The following FRMD4A variants were observed in gnomAD, a reference collection of about 807,000 sequenced individuals.
The protein encoded by FRMD4A is FERM domain containing 4A, also known as FERM domain-containing protein 4A.
A neutral mutation model predicts 129.1 loss-of-function variants in FRMD4A; 29 were observed. That is an observed-to-expected ratio of 0.22 (90% CI 0.17 to 0.31). The LOEUF (loss-of-function observed/expected upper bound fraction) is 0.31, where lower values mean the gene tolerates loss of function less well. FRMD4A is among the 10% of genes least tolerant of loss of function. The pLI, the probability that FRMD4A is intolerant of heterozygous loss-of-function variation, is 1.00. For synonymous variants in FRMD4A, 634 were observed against 571.6 expected (o/e 1.11, Z -1.56); for missense variants, 1,272 against 1,375.8 (o/e 0.92, Z 1.19).
intron 2 of FRMD4A, among the ~76,000 whole-genome samples, chr10:14,290,857 T>G (rs1308992840): frequency 6.6e-6 from 1 of 152,054 alleles, no homozygotes; most frequent in Non-Finnish European, 1.5e-5. Context: ...CCAAAATAAG[T>G]AAAATATATG....
At chr10:13,964,102 A>T (rs1035563699) in intron 2 of FRMD4A, among the ~76,000 whole-genome samples, 1 of 150,998 alleles carries the variant, frequency 6.6e-6, no homozygotes, top group African/African-American at 2.4e-5. Flanking sequence ...CAGGTGTGTT[A>T]TCTTGTTGGT....
At chr10:14,330,207 C>T (rs2132133524) in intron 1 of FRMD4A, 24 bp from the exon 2 acceptor site, 1 of 1,201,914 alleles carries the variant, frequency 8.3e-7, no homozygotes, top group Non-Finnish European at 1.2e-6. Flanking sequence ...AGCCAAAATC[C>T]AGACTTAGGG....
chr10:14,320,712 A>T (rs1302242939), intron 2 of FRMD4A, among the ~76,000 whole-genome samples: 1 of 152,248 alleles, frequency 6.6e-6, no homozygotes, highest in Admixed American at 6.5e-5. Context: ...GGCAAGGGCC[A>T]TGCACTATAC....
chr10:13,661,879 C>A (rs1309764851), intron 19 of FRMD4A, among the ~76,000 whole-genome samples: 2 of 152,154 alleles, frequency 1.3e-5, no homozygotes, highest in African/African-American at 4.8e-5. Context: ...CAGCCTAATT[C>A]TCAGTCCCCC....
intron 12 of FRMD4A, among the ~76,000 whole-genome samples, chr10:13,714,040 A>ATATTATATATATATATAAAATATATATTT (rs1554859027): frequency 5.4e-5 from 2 of 37,096 alleles, no homozygotes; most frequent in African/African-American, 1.9e-4. Context: ...ATATATATAT[A>ATATTATATATATATATAAAATATATATTT]TATATATATA....
chr10:13,684,303 A>G (rs977010163), intron 15 of FRMD4A: 27 of 983,898 alleles, frequency 2.7e-5, no homozygotes, highest in Non-Finnish European at 3.3e-5. Flanking sequence ...AAGCAGAGAG[A>G]GAGATGGAGT....
intron 4 of FRMD4A, among the ~76,000 whole-genome samples, chr10:13,801,118 G>A (rs1385167633): frequency 6.6e-5 from 10 of 152,104 alleles, no homozygotes; most frequent in Admixed American, 2.0e-4. Flanking sequence ...GTGGTGGCAC[G>A]TGCCTGTAGT....
At chr10:14,129,409 A>AT (rs58579085) in intron 2 of FRMD4A, among the ~76,000 whole-genome samples, 9,505 of 93,100 alleles carry the variant, frequency 0.1, 1,021 homozygotes, top group East Asian at 0.14. Context: ...TATATATATA[A>AT]AAAATATGAG....
chr10:14,265,920 C>T (rs1589244550), intron 2 of FRMD4A, among the ~76,000 whole-genome samples: 1 of 152,232 alleles, frequency 6.6e-6, no homozygotes, highest in African/African-American at 2.4e-5. Context: ...AAATGCTTCA[C>T]CTCTATAAGC....
intron 2 of FRMD4A, among the ~76,000 whole-genome samples, chr10:14,051,375 G>A (rs1027842080): frequency 7.9e-5 from 12 of 152,158 alleles, no homozygotes; most frequent in African/African-American, 2.9e-4. Context: ...ATTCTTGAGA[G>A]TATCTATGGC....
chr10:13,948,808 T>A (rs2095351771), intron 2 of FRMD4A, among the ~76,000 whole-genome samples: 1 of 151,788 alleles, frequency 6.6e-6, no homozygotes, highest in Non-Finnish European at 1.5e-5. Context: ...CGCACCATCA[T>A]ACCCAGCTAA....
intron 2 of FRMD4A, among the ~76,000 whole-genome samples, chr10:14,247,100 A>G (rs935896989): frequency 1.3e-5 from 2 of 152,106 alleles, no homozygotes; most frequent in Non-Finnish European, 2.9e-5. Flanking sequence ...GCGTGCACCA[A>G]TCTGGGTTGG....
At chr10:13,971,248 G>A (rs112971321) in intron 2 of FRMD4A, among the ~76,000 whole-genome samples, 82 of 152,366 alleles carry the variant, frequency 5.4e-4, no homozygotes, top group African/African-American at 1.4e-3. Flanking sequence ...TGAGAGGAGC[G>A]TGGATTTGTG....
intron 2 of FRMD4A, among the ~76,000 whole-genome samples, chr10:13,935,481 T>G (rs1384089985): frequency 1.5e-5 from 2 of 136,778 alleles, no homozygotes; most frequent in Admixed American, 7.6e-5. Context: ...AAAAAGTTGT[T>G]ACCAAATGAT....
At chr10:13,890,865 C>T (rs1451429093) in intron 2 of FRMD4A, 1 of 984,870 alleles carries the variant, frequency 1.0e-6, no homozygotes, top group Non-Finnish European at 1.2e-6. Context: ...ATTATTAGCA[C>T]AGCCATCCCT....
intron 2 of FRMD4A, among the ~76,000 whole-genome samples, chr10:14,069,915 T>C (rs73595489): frequency 0.081 from 12,321 of 152,204 alleles, 565 homozygotes; most frequent in African/African-American, 0.12. Context: ...TTTGGCTATT[T>C]CAAGAATAAT....
chr10:13,922,218 AT>A (rs962747211), intron 2 of FRMD4A, among the ~76,000 whole-genome samples: 2 of 152,174 alleles, frequency 1.3e-5, no homozygotes, highest in African/African-American at 4.8e-5. Flanking sequence ...AGTCTATGGT[AT>A]TTTGTTATTG....
intron 13 of FRMD4A, among the ~76,000 whole-genome samples, chr10:13,706,134 G>A (rs372654450): frequency 7.2e-4 from 109 of 152,290 alleles, no homozygotes; most frequent in African/African-American, 2.4e-3. Context: ...GGGCTGGAGC[G>A]TCAACAGCGC....
In FRMD4A at chr10:13,660,447, C is replaced by T. The variant is rs757531161; in HGVS notation, c.1767G>A (p.Glu589=). 6.2e-7 allele frequency: 1 copy of T among 1,614,148 alleles called. No homozygotes were observed. Among genetic ancestry groups the T allele is most frequent in the Non-Finnish European group, 8.5e-7 (1 of 1,179,982 alleles). Residue 589 remains glutamate (E), a synonymous_variant, in exon 20 of 25, where the codon GAG becomes GAA. Coordinates refer to ENST00000357447, the MANE Select transcript of FRMD4A (RefSeq NM_018027.5). ...GGTGATAGTGCATCTGTCGGAGTCCCTCCAGGGACTGGGGAGGAGGAGGCC... is the reference window on the plus strand; with the variant it reads ...GGTGATAGTGCATCTGTCGGAGTCCTTCCAGGGACTGGGGAGGAGGAGGCC... ...HNRPPPPQSL[E]GLRQMHYHRN...
Sources: allele counts gnomAD v4.1 joint callset (sites outside exome capture counted in the v4.1 genomes callset), GRCh38; gene constraint gnomAD v4.1.1; transcripts MANE v1.5; gene names NCBI Gene and HGNC (gene_info 2026-07-23, HGNC 2026-07-21).